Variants in MYPN observed in about 807,000 individuals in gnomAD.
The protein encoded by MYPN is sarcomeric protein myopalladin, 145 kDa (MYOP).
MYPN carries 63 observed loss-of-function variants against 129.4 expected under a neutral mutation model. The ratio of observed to expected loss-of-function variants is 0.49; its 90% CI spans 0.40 to 0.60. The LOEUF (loss-of-function observed/expected upper bound fraction) is 0.60. Ranked by LOEUF, MYPN falls within the 20% of genes least tolerant of loss-of-function variation. The pLI, the probability that MYPN is intolerant of heterozygous loss-of-function variation, is 0.00. For synonymous variants in MYPN, 629 were observed against 600.9 expected (o/e 1.05, Z -0.68); for missense variants, 1,596 against 1,635.4 (o/e 0.98, Z 0.42).
At chr10:68,136,487 C>A in intron 2 of MYPN, 1 of 1,238,406 alleles carries the variant, frequency 8.1e-7, no homozygotes, top group Non-Finnish European at 1.1e-6. Context: ...CAAAAGTCTT[C>A]AGCATAGCAG....
intron 14 of MYPN, among the ~76,000 whole-genome samples, chr10:68,195,067 G>A (rs896926751): frequency 6.8e-4 from 104 of 152,300 alleles, no homozygotes; most frequent in African/African-American, 2.4e-3. Context: ...TGAATAGGAA[G>A]TACAGAACTA....
At chr10:68,141,085 A>C (rs564766333) in intron 2 of MYPN, among the ~76,000 whole-genome samples, 3 of 151,420 alleles carry the variant, frequency 2.0e-5, no homozygotes, top group Non-Finnish European at 4.4e-5. Flanking sequence ...CCCCCCAAAA[A>C]AAGGGCCAGG....
intron 12 of MYPN, among the ~76,000 whole-genome samples, chr10:68,182,415 A>AACATATATATAAC (rs1437142806): frequency 1.7e-5 from 1 of 58,140 alleles, no homozygotes; most frequent in African/African-American, 3.6e-5. Flanking sequence ...ACATATATAT[A>AACATATATATAAC]ACATATATAT....
intron 1 of MYPN, among the ~76,000 whole-genome samples, chr10:68,093,590 A>G (rs1430478887): frequency 2.0e-5 from 3 of 150,254 alleles, no homozygotes; most frequent in African/African-American, 5.0e-5. Flanking sequence ...AAAAAAAAAA[A>G]AAAAGAAATA....
intron 2 of MYPN, among the ~76,000 whole-genome samples, chr10:68,126,818 C>G (rs1427800783): frequency 6.6e-6 from 1 of 152,188 alleles, no homozygotes; most frequent in South Asian, 2.1e-4. Context: ...CAGTAGGCAG[C>G]CAGAAATGCA....
Position 68,211,727 on chromosome 10 carries a change from A to G in MYPN, c.*1272A>G, listed in dbSNP as rs1248425772. On this transcript the variant is annotated 3_prime_UTR_variant, in exon 20 of 20. Coordinates refer to ENST00000358913, the MANE Select transcript of MYPN (RefSeq NM_032578.4). The stretch of plus-strand genomic sequence containing the variant: ...AATCTTCTGTTATTATGTCTATTAT[A>G]AGATAACCTAATCTTATATTCTGCA... 2.2e-6 allele frequency: 1 copy of G among 454,016 alleles called. No homozygotes were observed. Among genetic ancestry groups the G allele is most frequent in the African/African-American group, 2.0e-5 (1 of 50,018 alleles). The allele number at this position is 454,016 out of a possible 1,614,324, so 28.1% of individuals were successfully genotyped here.
Position 68,162,934 on chromosome 10 carries a change from C to T in MYPN, c.1483+1182C>T, listed in dbSNP as rs367648427. 1.1e-4 allele frequency among the ~76,000 whole-genome samples: 17 copies of T among 152,082 alleles called. No homozygotes were observed. The East Asian group carries it at 1.7e-3, about 15-fold the overall frequency. ...AGAAGCCGGGTTCTCATGCTGATCT[C>T]GATCCTCTGTGGGGGTCTTCAAACT... On this transcript the variant is annotated intron_variant, in intron 8 of 19. Coordinates refer to ENST00000358913, the MANE Select transcript of MYPN (RefSeq NM_032578.4).
chr10:68,203,687 A>ACG (rs1405616242), intron 18 of MYPN, among the ~76,000 whole-genome samples: 7 of 100,852 alleles, frequency 6.9e-5, no homozygotes, highest in African/African-American at 1.0e-4. Context: ...TAAAACGCGC[A>ACG]CGCACACACA....
chr10:68,088,741 A>G (rs1279816451), intron 1 of MYPN, among the ~76,000 whole-genome samples: 1 of 152,224 alleles, frequency 6.6e-6, no homozygotes, highest in Non-Finnish European at 1.5e-5. Flanking sequence ...GAACTTTAAA[A>G]AAATAAATTA....
intron 7 of MYPN, among the ~76,000 whole-genome samples, chr10:68,159,510 G>A (rs997849445): frequency 1.3e-5 from 2 of 151,982 alleles, no homozygotes; most frequent in Non-Finnish European, 2.9e-5. Flanking sequence ...TTCACATTGG[G>A]TTCTTGCTCT....
chr10:68,099,582 G>C (rs1293708722), intron 1 of MYPN, among the ~76,000 whole-genome samples: 2 of 151,946 alleles, frequency 1.3e-5, no homozygotes, highest in Non-Finnish European at 2.9e-5. Flanking sequence ...AGAGGTTGCA[G>C]TGAGCCAAGA....
chr10:68,143,585 G>T (rs2042611364), intron 3 of MYPN, among the ~76,000 whole-genome samples: 1 of 152,100 alleles, frequency 6.6e-6, no homozygotes, highest in South Asian at 2.1e-4. Context: ...AGAAGATGAG[G>T]TTGAAAGGTA....
At chr10:68,122,469 A>G in intron 2 of MYPN, 129 bp downstream of exon 2, 1 of 918,750 alleles carries the variant, frequency 1.1e-6, no homozygotes, top group Non-Finnish European at 1.7e-6. Flanking sequence ...GTCGGTATCT[A>G]AAGCAGCTTG....
At chr10:68,173,495 A>C (rs1317286327) in intron 10 of MYPN, among the ~76,000 whole-genome samples, 1 of 152,236 alleles carries the variant, frequency 6.6e-6, no homozygotes, top group Non-Finnish European at 1.5e-5. Flanking sequence ...CTTGGAAAGA[A>C]GGAAAGACAA....
At chr10:68,171,020 A>G (rs879441735) in intron 10 of MYPN, among the ~76,000 whole-genome samples, 2 of 151,834 alleles carry the variant, frequency 1.3e-5, no homozygotes, top group Admixed American at 6.6e-5. Context: ...ATGGTGGTGC[A>G]TGCCTGTCAT....
chr10:68,094,824 G>C (rs958391702), intron 1 of MYPN, among the ~76,000 whole-genome samples: 11 of 152,150 alleles, frequency 7.2e-5, no homozygotes, highest in African/African-American at 2.4e-4. Context: ...CACTTTGGGA[G>C]GCCAAGGTGG....
chr10:68,201,921 A>T lies in MYPN; in HGVS notation c.3586A>T (p.Ile1196Leu). 1 of 1,614,174 alleles carries T rather than the reference A, an allele frequency of 6.2e-7. No homozygotes were observed. The highest frequency in any genetic ancestry group is 2.2e-5 in the East Asian group (1 of 44,872). ...CCCCGTGAGACTGGAGTGCCGCGTGATAGGCATGCCCCCACCTGTGTTCTA... is the reference window on the plus strand; with the variant it reads ...CCCCGTGAGACTGGAGTGCCGCGTGTTAGGCATGCCCCCACCTGTGTTCTA... ...GHPVRLECRVIGMPPPVFYWK... is the reference protein window; with the variant it reads ...GHPVRLECRVLGMPPPVFYWK... Residue 1196 changes from isoleucine (I) to leucine (L), a missense_variant, in exon 18 of 20, where the codon ATA (isoleucine) becomes TTA (leucine). By Grantham distance (5) the Ile-to-Leu change is conservative (BLOSUM62 2). Coordinates refer to ENST00000358913, the MANE Select transcript of MYPN (RefSeq NM_032578.4).
At chr10:68,133,854 C>T (rs116886823) in intron 2 of MYPN, among the ~76,000 whole-genome samples, 3,492 of 151,306 alleles carry the variant, frequency 0.023, 56 homozygotes, top group Non-Finnish European at 0.035. Flanking sequence ...GACTGAGGAG[C>T]TACTGGTACA....
intron 10 of MYPN, among the ~76,000 whole-genome samples, chr10:68,172,370 TA>T (rs754158296): frequency 1.4e-4 from 21 of 152,174 alleles, no homozygotes; most frequent in Non-Finnish European, 2.6e-4. Flanking sequence ...ATTAAATAAA[TA>T]AAAATAGAAT....
Sources: gnomAD v4.1 joint callset for allele counts (sites outside exome capture counted in the v4.1 genomes callset) on GRCh38, gnomAD v4.1.1 for gene constraint, MANE v1.5 for transcripts, NCBI Gene and HGNC (gene_info 2026-07-23, HGNC 2026-07-21) for gene names.